Variants in SELENOF observed in about 807,000 individuals in gnomAD.
The protein encoded by SELENOF is 15 kDa selenoprotein.
In SELENOF, 16 loss-of-function variants were observed where a neutral mutation model predicts 20.5. The observed-to-expected ratio is 0.78, with a 90% CI of 0.53 to 1.19. The LOEUF (loss-of-function observed/expected upper bound fraction) is 1.19. Ranked by LOEUF, SELENOF falls within the 50% of genes most tolerant of loss-of-function variation. The pLI is 0.00. For missense variants in SELENOF, 215 were observed against 194.2 expected, an observed-to-expected ratio of 1.11 and a Z score of -0.64; for synonymous variants, 78 against 74.5, an observed-to-expected ratio of 1.05 and a Z score of -0.24.
intron 2 of SELENOF, among the ~76,000 whole-genome samples, chr1:86,902,451 T>C (rs889545077): frequency 3.3e-5 from 5 of 152,124 alleles, no homozygotes; most frequent in Non-Finnish European, 7.4e-5. Context: ...CCAATAATAA[T>C]AACACATCAT....
At chr1:86,883,169 G>A (rs1382326569) in intron 2 of SELENOF, among the ~76,000 whole-genome samples, 3 of 150,950 alleles carry the variant, frequency 2.0e-5, no homozygotes, top group South Asian at 2.1e-4. Flanking sequence ...CAATATAAAC[G>A]AATCTTATTA....
intron 2 of SELENOF, among the ~76,000 whole-genome samples, chr1:86,900,486 G>A (rs1274441316): frequency 5.9e-5 from 9 of 152,198 alleles, no homozygotes; most frequent in African/African-American, 2.2e-4. Flanking sequence ...CACTCGGCAG[G>A]CTGAGGCAGG....
intron 1 of SELENOF, among the ~76,000 whole-genome samples, chr1:86,908,760 A>C (rs1427824914): frequency 4.6e-5 from 7 of 152,218 alleles, no homozygotes; most frequent in Admixed American, 4.6e-4. Flanking sequence ...TTTTTGAATG[A>C]GAAAATATTA....
At chr1:86,867,741 C>G (rs1216676878) in intron 4 of SELENOF, among the ~76,000 whole-genome samples, 2 of 129,996 alleles carry the variant, frequency 1.5e-5, no homozygotes, top group Non-Finnish European at 1.6e-5. Flanking sequence ...AATATTGATT[C>G]ATCAATTGTA....
intron 3 of SELENOF, among the ~76,000 whole-genome samples, chr1:86,872,329 T>G (rs1008735546): frequency 6.6e-6 from 1 of 152,158 alleles, no homozygotes; most frequent in Non-Finnish European, 1.5e-5. Flanking sequence ...AATACATTTC[T>G]AATAGGCTGT....
intron 4 of SELENOF, among the ~76,000 whole-genome samples, chr1:86,866,135 T>G (rs893473180): frequency 7.2e-6 from 1 of 139,714 alleles, no homozygotes; most frequent in Non-Finnish European, 1.5e-5. Flanking sequence ...AGGGTGAGGA[T>G]GCAGTGAGCT....
At chr1:86,863,671 A>T (rs886196663) in intron 4 of SELENOF, 66 bp from the exon 5 acceptor site, 3 of 1,447,918 alleles carry the variant, frequency 2.1e-6, no homozygotes, top group Non-Finnish European at 2.8e-6. Context: ...CTCATCTAAG[A>T]CAAAGCAATT....
intron 1 of SELENOF, among the ~76,000 whole-genome samples, chr1:86,907,704 C>G (rs1261573519): frequency 6.6e-6 from 1 of 152,178 alleles, no homozygotes; most frequent in Non-Finnish European, 1.5e-5. Context: ...AGAGGTTCAG[C>G]TGGATGCGGT....
chr1:86,913,271 T>G (rs1460886937), intron 1 of SELENOF, among the ~76,000 whole-genome samples: 1 of 152,226 alleles, frequency 6.6e-6, no homozygotes, highest in Non-Finnish European at 1.5e-5. Flanking sequence ...CTTTCAGCAC[T>G]GTGCCTAAAA....
chr1:86,914,247 A>G (rs1467393878), upstream of SELENOF: 2 of 750,414 alleles, frequency 2.7e-6, no homozygotes, highest in Admixed American at 4.6e-5. Flanking sequence ...AAATAACGGC[A>G]TATGAAAGCT....
At chr1:86,901,931 T>A (rs555738434) in intron 2 of SELENOF, among the ~76,000 whole-genome samples, 113 of 152,296 alleles carry the variant, frequency 7.4e-4, no homozygotes, top group African/African-American at 2.6e-3. Context: ...TATTATAAAA[T>A]GCCCCTTGTT....
chr1:86,904,805 C>T (rs1002662590), intron 1 of SELENOF, among the ~76,000 whole-genome samples: 4 of 152,156 alleles, frequency 2.6e-5, no homozygotes, highest in African/African-American at 9.7e-5. Flanking sequence ...AAAGGCCTGT[C>T]CTCCTTTACT....
rs574249808 is a variant in SELENOF, at chr1:86,866,493, A to G, written c.366+1560T>C. On this transcript the variant is annotated intron_variant, in intron 4 of 4. Coordinates refer to ENST00000331835, the MANE Select transcript of SELENOF (RefSeq NM_004261.5). ...ACAGAAAGATAAAATTAAGTGTTTA[A>G]TGGGCGTAGAGTTTCAGTTTCACAA... 1.7e-4 allele frequency among the ~76,000 whole-genome samples: 26 copies of G among 152,248 alleles called. No homozygotes were observed. The South Asian group carries it at 5.2e-3, about 30-fold the overall frequency.
intron 3 of SELENOF, among the ~76,000 whole-genome samples, chr1:86,876,418 T>C (rs908294295): frequency 1.3e-5 from 2 of 152,172 alleles, no homozygotes; most frequent in African/African-American, 4.8e-5. Flanking sequence ...TGGACCACAG[T>C]CTGTAGGACT....
At chr1:86,896,071 T>C (rs1659514487) in intron 2 of SELENOF, among the ~76,000 whole-genome samples, 1 of 152,020 alleles carries the variant, frequency 6.6e-6, no homozygotes, top group Admixed American at 6.5e-5. Flanking sequence ...CTACTAAAAA[T>C]ACAAAAACTA....
At chr1:86,898,384 T>A (rs1659581043) in intron 2 of SELENOF, among the ~76,000 whole-genome samples, 1 of 152,128 alleles carries the variant, frequency 6.6e-6, no homozygotes, top group Non-Finnish European at 1.5e-5. Flanking sequence ...CTAACAAAAA[T>A]TTTATGCCTC....
At chr1:86,882,593 T>C (rs1570385745) in intron 2 of SELENOF, among the ~76,000 whole-genome samples, 1 of 151,956 alleles carries the variant, frequency 6.6e-6, no homozygotes, top group Non-Finnish European at 1.5e-5. Flanking sequence ...GAAAATGGAA[T>C]TGCAGTTTTG....
chr1:86,880,874 G>C lies in SELENOF; in HGVS notation c.253-149C>G, dbSNP rs543717440. 6 of 474,870 alleles carry C rather than the reference G, an allele frequency of 1.3e-5. No individual in the cohort carries two copies. The Admixed American group carries it at 2.5e-4, about 20-fold the overall frequency. 29.4% of individuals were successfully genotyped at this position (474,870 alleles called of 1,614,324 possible). On this transcript the variant is annotated intron_variant, in intron 2 of 4. Coordinates refer to ENST00000331835, the MANE Select transcript of SELENOF (RefSeq NM_004261.5). ...AAGCTGGTTAGCCAGACAGGACCAT[G>C]TAGTTCCAGTCTAATGGAAGAGAAG... is the stretch of plus-strand genomic sequence containing the variant.
intron 1 of SELENOF, among the ~76,000 whole-genome samples, chr1:86,913,402 C>CTTATT (rs112101456): frequency 0.3 from 46,255 of 151,744 alleles, 9,261 homozygotes; most frequent in African/African-American, 0.58. Context: ...AAAACGCTGC[C>CTTATT]TTAAAGAAGA....
Sources: gnomAD v4.1 joint callset for allele counts (sites outside exome capture counted in the v4.1 genomes callset) on GRCh38, gnomAD v4.1.1 for gene constraint, MANE v1.5 for transcripts, NCBI Gene and HGNC (gene_info 2026-07-23, HGNC 2026-07-21) for gene names.